Variants in C6orf120 observed in about 807,000 individuals in gnomAD.
C6orf120 encodes UPF0669 protein C6orf120.
For synonymous variants in C6orf120, 165 were observed against 123.1 expected, an observed-to-expected ratio of 1.34 and a Z score of -2.25; for missense variants, 311 against 264.2, an observed-to-expected ratio of 1.18 and a Z score of -1.23.
exon 1 of C6orf120, chr6:169,702,779 C>T (rs1416168843): frequency 1.2e-6 from 2 of 1,613,078 alleles, no homozygotes; most frequent in East Asian, 2.2e-5. Flanking sequence ...GTGTCCATCC[C>T]CGCGCACTTC....
chr6:169,702,790 C>G (rs747003214), exon 1 of C6orf120: 1 of 1,613,142 alleles, frequency 6.2e-7, no homozygotes, highest in Non-Finnish European at 8.5e-7. Context: ...CGCGCACTTC[C>G]GGCGCCCAGT....
exon 1 of C6orf120, chr6:169,702,888 G>C (rs912146085): frequency 1.9e-6 from 3 of 1,611,964 alleles, no homozygotes; most frequent in Middle Eastern, 1.6e-4. Flanking sequence ...AGCAGCACCC[G>C]TTCGGCGAGG....
At chr6:169,705,559 G>A (rs1562983823), downstream of C6orf120, 3 of 966,470 alleles carry the variant, frequency 3.1e-6, no homozygotes. Flanking sequence ...ATAAATTCTA[G>A]TTTTTGAACC....
chr6:169,702,707 G>C, exon 1 of C6orf120: 1 of 1,613,516 alleles, frequency 6.2e-7, no homozygotes, highest in East Asian at 2.2e-5. Flanking sequence ...GTCTCCGCCA[G>C]CAGCCTGCAC....
chr6:169,704,018 GT>G (rs766495557), exon 1 of C6orf120: 3 of 1,601,076 alleles, frequency 1.9e-6, no homozygotes, highest in Non-Finnish European at 2.6e-6. Flanking sequence ...CCTCTTTGCT[GT>G]TTTTCCCCCT....
chr6:169,704,162 T>C (rs1788687069), exon 1 of C6orf120: 2 of 1,102,634 alleles, frequency 1.8e-6, no homozygotes, highest in African/African-American at 3.3e-5. Context: ...TCTAAACTCT[T>C]CTGCCTTAGC....
At chr6:169,705,368 C>T (rs1788745698), downstream of C6orf120, 2 of 1,302,890 alleles carry the variant, frequency 1.5e-6, no homozygotes, top group East Asian at 2.3e-5. Context: ...GAAATTTTAA[C>T]TTAATATGGC....
At chr6:169,702,330 C>T (rs1047608132) in exon 1 of C6orf120, 9 of 646,602 alleles carry the variant, frequency 1.4e-5, no homozygotes, top group Admixed American at 5.5e-5. Context: ...ACAGTCCCAG[C>T]GACAGACCAG....
exon 1 of C6orf120, chr6:169,703,016 T>A: frequency 3.9e-6 from 6 of 1,557,692 alleles, no homozygotes; most frequent in Non-Finnish European, 5.2e-6. Flanking sequence ...TTGAAACTGG[T>A]ACTTGAAATT....
downstream of C6orf120, chr6:169,705,592 T>G (rs768369809): frequency 1.1e-5 from 13 of 1,181,816 alleles, no homozygotes; most frequent in Admixed American, 2.0e-4. Flanking sequence ...GGTTAAAATT[T>G]TAAAAAGACA....
At chr6:169,705,219 G>A (rs1453760270), downstream of C6orf120, 4 of 1,613,458 alleles carry the variant, frequency 2.5e-6, no homozygotes, top group African/African-American at 1.3e-5. Flanking sequence ...TTCATGGTGG[G>A]GTTGTCCACA....
At chr6:169,702,128 T>G, upstream of C6orf120, 1 of 573,686 alleles carries the variant, frequency 1.7e-6, no homozygotes, top group Admixed American at 2.2e-5. Flanking sequence ...CTAGCGTCAC[T>G]TCCGCCTCCG....
chr6:169,705,413 G>T (rs1176688702), downstream of C6orf120: 99 of 886,990 alleles, frequency 1.1e-4, no homozygotes, highest in Non-Finnish European at 7.1e-6. Flanking sequence ...GACTTCCAGA[G>T]AATGGCTATA....
chr6:169,704,166 C>T (rs531182752), exon 1 of C6orf120: 3 of 1,019,986 alleles, frequency 2.9e-6, no homozygotes, highest in East Asian at 5.7e-5. Flanking sequence ...AACTCTTCTG[C>T]CTTAGCTATC....
chr6:169,703,040 T>A, exon 1 of C6orf120: 1 of 1,546,238 alleles, frequency 6.5e-7, no homozygotes, highest in Non-Finnish European at 8.7e-7. Context: ...TTTTGAGTCG[T>A]TGACCACACT....
At chr6:169,702,287 C>G in exon 1 of C6orf120, 3 of 678,162 alleles carry the variant, frequency 4.4e-6, no homozygotes, top group Admixed American at 2.1e-5. Flanking sequence ...TAACCCACCC[C>G]TCCTCCCCGG....
chr6:169,702,416 G>C, exon 1 of C6orf120: 1 of 1,253,812 alleles, frequency 8.0e-7, no homozygotes, highest in Non-Finnish European at 1.1e-6. Flanking sequence ...GGTGTCCCCA[G>C]CAGCACTGAC....
exon 1 of C6orf120, chr6:169,703,316 G>A (rs1788549473): frequency 2.1e-6 from 1 of 470,746 alleles, no homozygotes; most frequent in Admixed American, 3.8e-5. Flanking sequence ...TGCAGTAACA[G>A]GTTTATATAA....
exon 1 of C6orf120, chr6:169,704,023 TCC>T: frequency 1.2e-6 from 2 of 1,601,634 alleles, no homozygotes; most frequent in East Asian, 2.3e-5. Flanking sequence ...TTGCTGTTTT[TCC>T]CCCTTCTGCC....
Sources: gnomAD v4.1 joint callset for allele counts on GRCh38, gnomAD v4.1.1 for gene constraint, MANE v1.5 for transcripts, NCBI Gene and HGNC (gene_info 2026-07-23, HGNC 2026-07-21) for gene names.